Variants in OR51E2 observed in about 807,000 individuals in gnomAD.
The protein encoded by OR51E2 is olfactory receptor family 51 subfamily E member 2, also known as olfactory receptor 51E2.
OR51E2 carries 14 observed loss-of-function variants against 13.7 expected under a neutral mutation model. The ratio of observed to expected loss-of-function variants is 1.02; its 90% CI spans 0.68 to 1.60. OR51E2 has a LOEUF of 1.60. OR51E2 is among the 40% of genes most tolerant of loss of function. The probability of loss-of-function intolerance (pLI) is 0.00; values close to 1 mark genes in which losing one functional copy is unlikely to be tolerated. For missense variants in OR51E2, 483 were observed against 413.8 expected (o/e 1.17, Z -1.45); for synonymous variants, 180 against 157.6 (o/e 1.14, Z -1.07).
chr11:4,694,111 A>C (rs1297285827), intron 1 of OR51E2, among the ~76,000 whole-genome samples: 1 of 152,154 alleles, frequency 6.6e-6, no homozygotes, highest in Non-Finnish European at 1.5e-5. Flanking sequence ...TTAAATTGCT[A>C]TTTGAATAAT....
intron 1 of OR51E2, among the ~76,000 whole-genome samples, chr11:4,693,859 A>G (rs1014823503): frequency 1.3e-5 from 2 of 152,216 alleles, no homozygotes; most frequent in Non-Finnish European, 2.9e-5. Flanking sequence ...CTAAAGGACA[A>G]CACAAATAAA....
rs1345680785 is a variant in OR51E2 at position 4,694,509 on chromosome 11, CATAT to C, written c.-51+3140_-51+3143del. 9.3e-4 allele frequency among the ~76,000 whole-genome samples: 116 copies of C among 124,578 alleles called. 1 individual carries two copies. Among genetic ancestry groups the C allele is most frequent in the Middle Eastern group, 4.3e-3 (1 of 230 alleles). 81.7% of individuals were successfully genotyped at this position (124,578 alleles called of 152,430 possible). ...ACGTGTATATATATATATACACACA[CATAT>C]ATATATATACACACACACATATATA... On this transcript the variant is annotated intron_variant, in intron 1 of 1. Transcript: ENST00000396950.
chr11:4,693,893 C>A (rs1309663241), intron 1 of OR51E2, among the ~76,000 whole-genome samples: 1 of 152,254 alleles, frequency 6.6e-6, no homozygotes, highest in East Asian at 1.9e-4. Flanking sequence ...AGTTTATAAT[C>A]CAGTGAGGCA....
intron 1 of OR51E2, chr11:4,690,680 G>GT (rs1429966911): frequency 1.2e-5 from 4 of 329,714 alleles, no homozygotes; most frequent in East Asian, 8.2e-5. Context: ...TTCTTTGGTT[G>GT]TTTTTTGTTT....
chr11:4,681,569 A>G lies in OR51E2; in HGVS notation c.*180T>C, dbSNP rs1847450375. ...TATTGTAGTCTTTAAATCATGTAAT[A>G]CTTCATTAGTATGTATTATTCCACA... On this transcript the variant is annotated 3_prime_UTR_variant, in exon 2 of 2. Transcript: ENST00000396950. 1 of 623,996 alleles carries G rather than the reference A, an allele frequency of 1.6e-6. No homozygotes were observed. Among genetic ancestry groups the G allele is most frequent in the African/African-American group, 1.8e-5 (1 of 54,318 alleles). The allele number at this position is 623,996 out of a possible 1,614,324, so 38.7% of individuals were successfully genotyped here.
rs1847673086 is a variant in OR51E2 at position 4,697,759 on chromosome 11, T to C, written c.-157A>G. ...AGCTTGCAAATATGAGGAGACTTAT[T>C]CCAGCCTGACTGGAGACAGGCACAG... is the stretch of plus-strand genomic sequence containing the variant. On this transcript the variant is annotated 5_prime_UTR_variant, in exon 1 of 2. Coordinates refer to ENST00000396950, the MANE Select transcript of OR51E2 (RefSeq NM_030774.4). 1 of 152,620 alleles carries C rather than the reference T, an allele frequency of 6.6e-6. No individual in the cohort carries two copies. The highest frequency in any genetic ancestry group is 2.1e-4 in the South Asian group (1 of 4,830). 9.5% of individuals were successfully genotyped at this position (152,620 alleles called of 1,614,324 possible).
chr11:4,683,888 G>A (rs566302413), intron 1 of OR51E2, among the ~76,000 whole-genome samples: 5 of 152,170 alleles, frequency 3.3e-5, no homozygotes, highest in African/African-American at 1.2e-4. Flanking sequence ...TGGCTGCAAG[G>A]CCTAACTTTT....
chr11:4,687,424 T>A lies in OR51E2; in HGVS notation c.-50-4663A>T, dbSNP rs1043960844. 3.9e-5 allele frequency among the ~76,000 whole-genome samples: 6 copies of A among 152,200 alleles called. No homozygotes were observed. The South Asian group carries it at 6.2e-4, about 16-fold the overall frequency. Reference sequence around the variant, plus strand: ...GCTTCACAAGATTAGGATCAGGGTATACTAGGTCATATGAAAAGGAGCAAA... The same window carrying A: ...GCTTCACAAGATTAGGATCAGGGTAAACTAGGTCATATGAAAAGGAGCAAA... On this transcript the variant is annotated intron_variant, in intron 1 of 1. Transcript: ENST00000396950.
intron 1 of OR51E2, among the ~76,000 whole-genome samples, chr11:4,686,214 G>T (rs961591214): frequency 3.9e-5 from 6 of 152,222 alleles, no homozygotes; most frequent in African/African-American, 1.4e-4. Flanking sequence ...TGAAAGAGCA[G>T]TGAATGCCAC....
At chr11:4,693,244 A>G (rs1479159726) in intron 1 of OR51E2, among the ~76,000 whole-genome samples, 1 of 152,232 alleles carries the variant, frequency 6.6e-6, no homozygotes, top group Non-Finnish European at 1.5e-5. Flanking sequence ...TTTGTCAACT[A>G]GAAATAAGAT....
In OR51E2 at chr11:4,682,015, G is replaced by C. The variant is rs755299731; in HGVS notation, c.697C>G (p.Arg233Gly). 6 of 1,614,114 alleles carry C rather than the reference G, an allele frequency of 3.7e-6. No individual in the cohort carries two copies. The East Asian group carries it at 1.3e-4, about 36-fold the overall frequency. ...ACACAGGTTCCAAAGGCCTTGGCCC[G>C]CTCTGACTTGGAAGGCAGTTGCAGA... ...TVLQLPSKSERAKAFGTCVSH... is the reference protein window; with the variant it reads ...TVLQLPSKSEGAKAFGTCVSH... The change falls in exon 2 of 2, where the codon CGG (arginine) becomes GGG (glycine). Residue 233 changes from arginine to glycine, a missense_variant. Coordinates refer to ENST00000396950, the MANE Select transcript of OR51E2 (RefSeq NM_030774.4).
chr11:4,685,949 A>G (rs1029010250), intron 1 of OR51E2: 1 of 152,186 alleles, frequency 6.6e-6, no homozygotes, highest in Non-Finnish European at 1.5e-5. Context: ...TGCCTCACAC[A>G]TGAGTCTTGC....
In OR51E2 at chr11:4,681,621, T is replaced by C. The variant is rs1847451487; in HGVS notation, c.*128A>G. 4 of 962,204 alleles carry C rather than the reference T, an allele frequency of 4.2e-6. No individual in the cohort carries two copies. The highest frequency in any genetic ancestry group is 6.3e-6 in the Non-Finnish European group (4 of 631,224). 59.6% of individuals were successfully genotyped at this position (962,204 alleles called of 1,614,324 possible). On this transcript the variant is annotated 3_prime_UTR_variant, in exon 2 of 2. Transcript: ENST00000396950. ...AATAGTCCTTTAGGTAGATGTACCA[T>C]ACTTTAGTTTACTATTCCAGCCAGA...
At chr11:4,691,398 T>G (rs763325714) in intron 1 of OR51E2, 33 of 457,714 alleles carry the variant, frequency 7.2e-5, no homozygotes, top group South Asian at 5.1e-4. Flanking sequence ...AAAGAACATG[T>G]GGGACAAGCA....
At chr11:4,692,174 A>G (rs1383172234) in intron 1 of OR51E2, 2 of 453,052 alleles carry the variant, frequency 4.4e-6, no homozygotes, top group Non-Finnish European at 8.9e-6. Flanking sequence ...TAAGTGTGGA[A>G]AGCAGAGAAG....
intron 1 of OR51E2, among the ~76,000 whole-genome samples, chr11:4,693,594 G>A (rs779683463): frequency 2.7e-4 from 41 of 152,100 alleles, no homozygotes; most frequent in Non-Finnish European, 4.7e-4. Context: ...GGTGGCGGGC[G>A]CCTGTAGTTC....
Position 4,688,076 on chromosome 11 carries a change from G to A in OR51E2, c.-50-5315C>T, listed in dbSNP as rs188193099. ...TGTGGCAGGCAGGCCCTGTTTTAGGGCTGGGAGATAGCATAAATGGAACAA... is the reference window on the plus strand; with the variant it reads ...TGTGGCAGGCAGGCCCTGTTTTAGGACTGGGAGATAGCATAAATGGAACAA... On this transcript the variant is annotated intron_variant, in intron 1 of 1. Coordinates refer to ENST00000396950, the MANE Select transcript of OR51E2 (RefSeq NM_030774.4). Among the ~76,000 whole-genome samples the A allele has an allele frequency of 3.3e-5, 5 of 152,274 alleles. 1 individual carries two copies. The highest frequency in any genetic ancestry group is 2.0e-4 in the Admixed American group (3 of 15,302).
At chr11:4,691,105 C>A (rs982229591) in intron 1 of OR51E2, 2 of 456,728 alleles carry the variant, frequency 4.4e-6, no homozygotes, top group East Asian at 6.9e-5. Flanking sequence ...GTCAGCCCAA[C>A]TGCACTGTTG....
chr11:4,697,102 G>T (rs1204372458), intron 1 of OR51E2, among the ~76,000 whole-genome samples: 1 of 152,080 alleles, frequency 6.6e-6, no homozygotes, highest in East Asian at 1.9e-4. Flanking sequence ...CATTTTTCTG[G>T]TAAAGACACT....
Sources: allele counts gnomAD v4.1 joint callset (sites outside exome capture counted in the v4.1 genomes callset), GRCh38; gene constraint gnomAD v4.1.1; transcripts MANE v1.5; gene names NCBI Gene and HGNC (gene_info 2026-07-23, HGNC 2026-07-21).